ANO10: variants seen among roughly 807,000 people sequenced by gnomAD.
ANO10 encodes the protein anoctamin-10.
ANO10 carries 77 observed loss-of-function variants against 74.7 expected under a neutral mutation model. The observed-to-expected ratio is 1.03, with a 90% CI of 0.86 to 1.25. ANO10 has a LOEUF of 1.25. Among genes scored for constraint, ANO10 ranks in the 50% most tolerant of loss-of-function variants. The pLI is 0.00. For missense variants in ANO10, 721 were observed against 778.1 expected (o/e 0.93, Z 0.87); for synonymous variants, 279 against 284.9 (o/e 0.98, Z 0.21).
intron 11 of ANO10, among the ~76,000 whole-genome samples, chr3:43,521,510 G>A (rs960362099): frequency 1.3e-5 from 2 of 152,126 alleles, no homozygotes; most frequent in Admixed American, 6.6e-5. Flanking sequence ...TGAGACAAAT[G>A]ATATAGTTGA....
chr3:43,411,410 A>C (rs1451626174), intron 12 of ANO10, among the ~76,000 whole-genome samples: 10 of 152,122 alleles, frequency 6.6e-5, no homozygotes, highest in Non-Finnish European at 1.5e-5. Flanking sequence ...AGGGCTAATT[A>C]CTCTTTGAGA....
intron 4 of ANO10, among the ~76,000 whole-genome samples, chr3:43,586,248 G>A (rs2081476200): frequency 6.6e-6 from 1 of 152,126 alleles, no homozygotes; most frequent in South Asian, 2.1e-4. Context: ...TGCCATGTTG[G>A]AAGAGTGACC....
intron 11 of ANO10, among the ~76,000 whole-genome samples, chr3:43,545,369 T>G (rs2079138860): frequency 6.6e-6 from 1 of 151,996 alleles, no homozygotes; most frequent in South Asian, 2.1e-4. Context: ...GGTTTTTTTT[T>G]GTTTGTTTGT....
At chr3:43,498,828 A>T (rs2077001877) in intron 11 of ANO10, among the ~76,000 whole-genome samples, 2 of 152,232 alleles carry the variant, frequency 1.3e-5, no homozygotes, top group South Asian at 4.1e-4. Context: ...GAAAAATAAG[A>T]TATAACATTT....
intron 4 of ANO10, among the ~76,000 whole-genome samples, chr3:43,594,091 G>A (rs1489850665): frequency 6.6e-6 from 1 of 152,056 alleles, no homozygotes; most frequent in African/African-American, 2.4e-5. Context: ...CCCAATACAG[G>A]AGCACCCAGA....
At chr3:43,639,034 G>C (rs2083642798) in intron 1 of ANO10, 1 of 152,298 alleles carries the variant, frequency 6.6e-6, no homozygotes, top group Admixed American at 6.5e-5. Flanking sequence ...CCACCAGATA[G>C]ATCTCTCCAC....
intron 1 of ANO10, among the ~76,000 whole-genome samples, chr3:43,681,130 T>G (rs977597497): frequency 2.0e-5 from 3 of 152,022 alleles, no homozygotes; most frequent in Non-Finnish European, 4.4e-5. Flanking sequence ...AGACACAGAC[T>G]GGCAAACTGG....
At chr3:43,674,342 G>C (rs1326269047) in intron 1 of ANO10, among the ~76,000 whole-genome samples, 5 of 152,050 alleles carry the variant, frequency 3.3e-5, no homozygotes, top group Non-Finnish European at 7.4e-5. Context: ...TAGAGATGAG[G>C]TCTCACTATG....
intron 1 of ANO10, among the ~76,000 whole-genome samples, chr3:43,619,414 T>G (rs1179260411): frequency 2.0e-5 from 3 of 152,246 alleles, no homozygotes. Flanking sequence ...ATGTCAATTT[T>G]CTGGTTTCAA....
intron 1 of ANO10, among the ~76,000 whole-genome samples, chr3:43,683,271 A>T (rs1288629816): frequency 6.6e-6 from 1 of 152,140 alleles, no homozygotes; most frequent in Non-Finnish European, 1.5e-5. Flanking sequence ...ATCACAAGCA[A>T]TCTTATACAC....
At chr3:43,596,067 AC>A (rs1296292893) in intron 4 of ANO10, among the ~76,000 whole-genome samples, 10 of 152,174 alleles carry the variant, frequency 6.6e-5, no homozygotes, top group African/African-American at 2.4e-4. Context: ...GATGTGAAGG[AC>A]CTCTTCAAGG....
At chr3:43,505,823 A>G (rs1046184141) in intron 11 of ANO10, among the ~76,000 whole-genome samples, 2 of 152,188 alleles carry the variant, frequency 1.3e-5, no homozygotes, top group African/African-American at 4.8e-5. Context: ...TATTCTCCCT[A>G]TAGGGCCAGG....
At chr3:43,428,801 A>AAAAAAG (rs2092937701) in intron 12 of ANO10, among the ~76,000 whole-genome samples, 1 of 148,140 alleles carries the variant, frequency 6.8e-6, no homozygotes, top group Non-Finnish European at 1.5e-5. Flanking sequence ...GAATGCAAAA[A>AAAAAAG]AAAAAAAAAA....
intron 10 of ANO10, among the ~76,000 whole-genome samples, chr3:43,552,358 T>C (rs557608029): frequency 1.4e-4 from 21 of 152,196 alleles, no homozygotes; most frequent in South Asian, 6.2e-4. Flanking sequence ...CTGGTCAACA[T>C]AGTGGGAGCC....
chr3:43,523,766 T>A (rs2078063581), intron 11 of ANO10, among the ~76,000 whole-genome samples: 1 of 152,090 alleles, frequency 6.6e-6, no homozygotes, highest in South Asian at 2.1e-4. Context: ...CATGTAGATG[T>A]CCAATGGGCA....
chr3:43,498,337 G>A (rs368707284), intron 11 of ANO10, among the ~76,000 whole-genome samples: 5 of 152,246 alleles, frequency 3.3e-5, no homozygotes, highest in South Asian at 4.1e-4. Flanking sequence ...GGTACTCAGC[G>A]GGCAAGCCAA....
At chr3:43,518,976 G>A (rs139801853) in intron 11 of ANO10, among the ~76,000 whole-genome samples, 5,203 of 151,946 alleles carry the variant, frequency 0.034, 288 homozygotes, top group African/African-American at 0.12. Flanking sequence ...CACCCTATTC[G>A]TACACCCCTC....
chr3:43,436,345 G>A (rs894942242), intron 11 of ANO10, among the ~76,000 whole-genome samples: 6 of 152,110 alleles, frequency 3.9e-5, no homozygotes, highest in African/African-American at 1.4e-4. Context: ...AAAATGAACA[G>A]AGGGGTGGAA....
At chr3:43,640,685 C>A (rs1161051656) in intron 1 of ANO10, among the ~76,000 whole-genome samples, 1 of 152,188 alleles carries the variant, frequency 6.6e-6, no homozygotes, top group African/African-American at 2.4e-5. Flanking sequence ...ATGCATTTTT[C>A]CATTGCCACA....
Sources: allele counts gnomAD v4.1 joint callset (sites outside exome capture counted in the v4.1 genomes callset), GRCh38; gene constraint gnomAD v4.1.1; transcripts MANE v1.5; gene names NCBI Gene and HGNC (gene_info 2026-07-23, HGNC 2026-07-21).